SYNE1: variants seen among roughly 807,000 people sequenced by gnomAD.
SYNE1 encodes the protein nesprin-1.
In SYNE1, 616 loss-of-function variants were observed where a neutral mutation model predicts 1,111.0. The ratio of observed to expected loss-of-function variants is 0.55; its 90% CI spans 0.52 to 0.59. The LOEUF is 0.59. SYNE1 is among the 20% of genes least tolerant of loss of function. SYNE1 has a pLI of 0.00. For synonymous variants in SYNE1, 3,855 were observed against 3,825.8 expected, an observed-to-expected ratio of 1.01 and a Z score of -0.28; for missense variants, 10,006 against 10,417.0, an observed-to-expected ratio of 0.96 and a Z score of 1.72.
chr6:152,139,626 G>T (rs1378970906), intron 140 of SYNE1, among the ~76,000 whole-genome samples: 1 of 141,772 alleles, frequency 7.1e-6, no homozygotes, highest in Non-Finnish European at 1.5e-5. Context: ...GAGGAAGGAA[G>T]GAAGGAAAGA....
At position 152,462,837 on chromosome 6, in the gene SYNE1, AAC is replaced by A; in HGVS notation, c.2149_2150del (p.Val717CysfsTer12). 2.5e-6 allele frequency: 4 copies of A among 1,613,960 alleles called. No homozygotes were observed. The highest frequency in any genetic ancestry group is 3.4e-6 in the Non-Finnish European group (4 of 1,179,898). On this transcript the variant is annotated frameshift_variant, in exon 20 of 146. Coordinates refer to ENST00000367255, the MANE Select transcript of SYNE1 (RefSeq NM_182961.4). LOFTEE classifies it high-confidence loss of function. ...CCGTTGCAAAAGCAGACAGGGTAAC[AAC>A]ACAGTCTGTGTATTCCTTCTTCATT... The part of the protein sequence containing the change: ...DRMKKEYTDC[V>X]VTLSAFATEA...
At chr6:152,560,860 C>T (rs2099392979) in intron 3 of SYNE1, among the ~76,000 whole-genome samples, 1 of 152,070 alleles carries the variant, frequency 6.6e-6, no homozygotes, top group African/African-American at 2.4e-5. Flanking sequence ...TGACAAAACT[C>T]AACATAATTT....
intron 73 of SYNE1, among the ~76,000 whole-genome samples, chr6:152,346,411 C>T (rs1308237409): frequency 6.6e-6 from 1 of 152,088 alleles, no homozygotes; most frequent in Admixed American, 6.6e-5. Flanking sequence ...AAGTGATTCA[C>T]CTGCTTTGGC....
intron 115 of SYNE1, among the ~76,000 whole-genome samples, chr6:152,228,620 T>C (rs1159436095): frequency 2.0e-5 from 3 of 152,214 alleles, no homozygotes; most frequent in Non-Finnish European, 4.4e-5. Context: ...TATTTCAGTC[T>C]TTCAACAGTA....
intron 61 of SYNE1, chr6:152,368,368 T>C (rs1451173903): frequency 6.5e-6 from 1 of 153,392 alleles, no homozygotes; most frequent in Non-Finnish European, 1.5e-5. Context: ...ATTCCATTTA[T>C]TTTCTTCTAA....
chr6:152,369,598 A>G lies in SYNE1; in HGVS notation c.9524T>C (p.Met3175Thr), dbSNP rs1239643434. The G allele has an allele frequency of 6.2e-7, 1 of 1,614,150 alleles. No individual in the cohort carries two copies. Among genetic ancestry groups the G allele is most frequent in the Non-Finnish European group, 8.5e-7 (1 of 1,180,014 alleles). ...CTCAGCACTTACTTCAAAGTCCTTCATTTGGATCTTTAGATTCTGCAAGGT... is the reference window on the plus strand; with the variant it reads ...CTCAGCACTTACTTCAAAGTCCTTCGTTTGGATCTTTAGATTCTGCAAGGT... ...ESALENLKIQ[M>T]KDFEVSAEPI... is the part of the protein sequence containing the mutation. Residue 3175 changes from methionine to threonine, a missense_variant, in exon 60 of 146, where the codon ATG (methionine) becomes ACG (threonine). This residue lies in a region of SYNE1 where 4,955 missense variants were observed against 5,017.2 expected (regional missense o/e 0.99). Transcript: ENST00000367255.
intron 59 of SYNE1, among the ~76,000 whole-genome samples, chr6:152,371,787 G>A (rs1272175543): frequency 2.1e-5 from 3 of 141,844 alleles, no homozygotes; most frequent in African/African-American, 5.4e-5. Flanking sequence ...GGGAGGGGAA[G>A]GCAGGGAAGG....
intron 3 of SYNE1, among the ~76,000 whole-genome samples, chr6:152,595,891 A>G (rs2099579677): frequency 6.6e-6 from 1 of 152,058 alleles, no homozygotes; most frequent in Non-Finnish European, 1.5e-5. Context: ...TTATGTTTCA[A>G]ATATTCTATA....
chr6:152,144,063 T>G, intron 137 of SYNE1: 1 of 427,690 alleles, frequency 2.3e-6, no homozygotes, highest in Non-Finnish European at 4.4e-6. Flanking sequence ...CCTGATCATC[T>G]GAATGTTGTC....
At chr6:152,505,557 G>C (rs891815771) in intron 8 of SYNE1, among the ~76,000 whole-genome samples, 160 bp from the exon 9 acceptor site, 1 of 152,054 alleles carries the variant, frequency 6.6e-6, no homozygotes, top group Non-Finnish European at 1.5e-5. Context: ...AAATTTTTAG[G>C]GGGCAACAAG....
Position 152,442,238 on chromosome 6 carries a change from G to C in SYNE1, c.3845C>G (p.Thr1282Arg). The C allele has an allele frequency of 1.2e-6, 2 of 1,612,892 alleles. No individual in the cohort carries two copies. The highest frequency in any genetic ancestry group is 1.7e-6 in the Non-Finnish European group (2 of 1,180,034). Residue 1282 changes from threonine (T) to arginine (R), a missense_variant, in exon 31 of 146, where the codon ACA (threonine) becomes AGA (arginine). Physicochemically the swap from Thr to Arg is moderately conservative, Grantham distance 71. Transcript: ENST00000367255. ...QQLLLHHQQK[T>R]KRISAKKRDV... ...TCTCTTCTTTGCTGAGATCCGCTTTGTCTTTTGCTAGAAGCATTTATTCAA... is the reference window on the plus strand; with the variant it reads ...TCTCTTCTTTGCTGAGATCCGCTTTCTCTTTTGCTAGAAGCATTTATTCAA...
In SYNE1 at chr6:152,498,730, C is replaced by T. The variant is rs765421667; in HGVS notation, c.939+12G>A. On this transcript the variant is annotated intron_variant, in intron 11 of 145. Coordinates refer to ENST00000367255, the MANE Select transcript of SYNE1 (RefSeq NM_182961.4). ...GAAAGAGGTCATCAATGCAAGATTA[C>T]TTAAATCTTACCTTAAAATTTTGTA... 3.2e-6 allele frequency: 5 copies of T among 1,541,454 alleles called. No individual in the cohort carries two copies. Among genetic ancestry groups the T allele is most frequent in the African/African-American group, 1.4e-5 (1 of 73,404 alleles).
Position 152,354,662 on chromosome 6 carries a change from C to T in SYNE1, c.10923G>A (p.Met3641Ile). The T allele has an allele frequency of 6.2e-7, 1 of 1,614,202 alleles. No homozygotes were observed. Among genetic ancestry groups the T allele is most frequent in the Non-Finnish European group, 8.5e-7 (1 of 1,180,018 alleles). Residue 3641 changes from methionine (M) to isoleucine (I), a missense_variant, in exon 67 of 146, where the codon ATG becomes ATA. By Grantham distance (10) the Met-to-Ile change is conservative. Around this residue, in one of 7 missense-constraint regions of SYNE1, gnomAD observed 4,955 missense variants for 5,017.2 expected, o/e 0.99. Transcript: ENST00000367255. The part of the protein sequence containing the change: ...RATKEIQLHQ[M>I]KKWHEEVTAY... ...CAGGAATCTACATGAGTTGTACCTT[C>T]ATCTGATGTAATTGTATCTCCTTGG...
Position 152,510,387 on chromosome 6 carries a change from C to G in SYNE1, c.403-16G>C, listed in dbSNP as rs1027742404. 23 of 1,613,054 alleles carry G rather than the reference C, an allele frequency of 1.4e-5. No individual in the cohort carries two copies. Among genetic ancestry groups the G allele is most frequent in the Non-Finnish European group, 1.9e-5 (23 of 1,179,588 alleles). On this transcript the variant is annotated splice_polypyrimidine_tract_variant and intron_variant, in intron 7 of 145. Transcript: ENST00000367255. ...ACTCTTCAATCTGTTTGTGAGTTAACAGCCAGCAAAAATATAAGCATTATC... is the reference window on the plus strand; with the variant it reads ...ACTCTTCAATCTGTTTGTGAGTTAAGAGCCAGCAAAAATATAAGCATTATC...
chr6:152,471,685 A>T lies in SYNE1; in HGVS notation c.1544T>A (p.Leu515Gln), dbSNP rs544309811. 9.9e-6 allele frequency: 16 copies of T among 1,613,920 alleles called. No individual in the cohort carries two copies. Among genetic ancestry groups the T allele is most frequent in the Non-Finnish European group, 1.4e-5 (16 of 1,179,898 alleles). Residue 515 changes from leucine (L) to glutamine (Q), a missense_variant, in exon 16 of 146, where the codon CTG becomes CAG. This residue lies in a region of SYNE1 where 1,971 missense variants were observed against 2,084.1 expected (regional missense o/e 0.95). Transcript: ENST00000367255. ...CAGCTTTGACTCTGCAAGAACCAGC[A>T]GTGAGAGCAGACGGTACTTTAATTC... The part of the protein sequence containing the change: ...FLELKYRLLS[L>Q]LVLAESKLKS...
chr6:152,310,389 G>A lies in SYNE1; in HGVS notation c.17019+7C>T, dbSNP rs2095511412. ...GTCCCTATTTACTCCAAGTTAGTTTGGCTTACCTGCCGATGAGAGAGCTGC... is the reference window on the plus strand; with the variant it reads ...GTCCCTATTTACTCCAAGTTAGTTTAGCTTACCTGCCGATGAGAGAGCTGC... On this transcript the variant is annotated splice_region_variant and intron_variant, in intron 89 of 145. Transcript: ENST00000367255. The A allele has an allele frequency of 6.2e-7, 1 of 1,613,988 alleles. No homozygotes were observed. The highest frequency in any genetic ancestry group is 8.5e-7 in the Non-Finnish European group (1 of 1,180,020).
Position 152,629,180 on chromosome 6 carries a change from T to C in SYNE1, c.-223-626A>G, listed in dbSNP as rs193152533. Among the ~76,000 whole-genome samples, 349 of 152,014 alleles carry C rather than the reference T, an allele frequency of 2.3e-3. 2 individuals are homozygous for C. The highest frequency in any genetic ancestry group is 0.021 in the Admixed American group (315 of 15,252). ...GGGGTGGGTGAAGCAGAGTGGACAT[T>C]TTCCTTCTAAATTCTCTGCATTGGT... On this transcript the variant is annotated intron_variant, in intron 2 of 145. Transcript: ENST00000367255.
chr6:152,378,083 C>T lies in SYNE1; in HGVS notation c.9010-1171G>A, dbSNP rs578165500. Among the ~76,000 whole-genome samples the T allele has an allele frequency of 2.6e-5, 4 of 152,222 alleles. No individual in the cohort carries two copies. The South Asian group carries it at 8.3e-4, about 32-fold the overall frequency. ...CCTCTCATAGGATTGTCACAAGGAA[C>T]AAATGAAATCATGAATGTCAAATAC... On this transcript the variant is annotated intron_variant, in intron 56 of 145. Coordinates refer to ENST00000367255, the MANE Select transcript of SYNE1 (RefSeq NM_182961.4).
Position 152,319,119 on chromosome 6 carries a change from G to A in SYNE1, c.16237-104C>T, listed in dbSNP as rs1022855467. The A allele has an allele frequency of 2.6e-5, 38 of 1,482,264 alleles. No homozygotes were observed. In the African/African-American group the frequency reaches 3.9e-4, roughly 15 times the overall value. 91.8% of individuals were successfully genotyped at this position (1,482,264 alleles called of 1,614,324 possible). A position where few individuals can be genotyped will look rare whatever the true frequency, so the allele number is the denominator to read the frequency against. ...GACAAGACACATTTTAACTGCTTTG[G>A]CATTGAAACACCTGGTCACACCAGC... On this transcript the variant is annotated intron_variant, in intron 84 of 145. Coordinates refer to ENST00000367255, the MANE Select transcript of SYNE1 (RefSeq NM_182961.4).
Sources: gnomAD v4.1 joint callset for allele counts (sites outside exome capture counted in the v4.1 genomes callset) on GRCh38, gnomAD v4.1.1 for gene constraint, gnomAD v4.1.1 regional missense constraint, MANE v1.5 for transcripts, NCBI Gene and HGNC (gene_info 2026-07-23, HGNC 2026-07-21) for gene names.